The following DLG2 variants were observed in gnomAD, a reference collection of about 807,000 sequenced individuals.
DLG2 encodes disks large homolog 2.
In DLG2, 45 loss-of-function variants were observed where a neutral mutation model predicts 132.5. The observed-to-expected ratio is 0.34, with a 90% CI of 0.27 to 0.44. The LOEUF is 0.44. Ranked by LOEUF, DLG2 falls within the 20% of genes least tolerant of loss-of-function variation. The pLI is 1.00. For synonymous variants in DLG2, 424 were observed against 419.6 expected (o/e 1.01, Z -0.13); for missense variants, 1,045 against 1,196.9 (o/e 0.87, Z 1.87).
intron 20 of DLG2, among the ~76,000 whole-genome samples, chr11:83,538,896 T>C (rs1048169433): frequency 4.6e-5 from 7 of 152,226 alleles, no homozygotes; most frequent in Non-Finnish European, 7.3e-5. Flanking sequence ...GCTTGCTGAA[T>C]TGAATTTTGC....
intron 6 of DLG2, among the ~76,000 whole-genome samples, chr11:84,570,456 A>C (rs2099477559): frequency 6.6e-6 from 1 of 152,080 alleles, no homozygotes; most frequent in East Asian, 1.9e-4. Context: ...TCTCCTCTCT[A>C]AATTGTGAGC....
intron 3 of DLG2, among the ~76,000 whole-genome samples, chr11:85,486,567 C>A (rs2093434061): frequency 6.6e-6 from 1 of 152,108 alleles, no homozygotes; most frequent in Admixed American, 6.5e-5. Context: ...ATTAGTCCTG[C>A]CAAGATTTGA....
At chr11:85,282,299 T>G (rs559700085) in intron 4 of DLG2, among the ~76,000 whole-genome samples, 1 of 152,004 alleles carries the variant, frequency 6.6e-6, no homozygotes, top group East Asian at 1.9e-4. Flanking sequence ...AGTAGCACAA[T>G]AGGGCAGCTA....
At chr11:85,502,816 A>G (rs2093836180) in intron 3 of DLG2, among the ~76,000 whole-genome samples, 1 of 152,136 alleles carries the variant, frequency 6.6e-6, no homozygotes, top group South Asian at 2.1e-4. Flanking sequence ...TTAAAGTAAA[A>G]TTTTTAAAAA....
intron 11 of DLG2, among the ~76,000 whole-genome samples, chr11:84,001,806 T>C (rs545645454): frequency 1.3e-5 from 2 of 152,230 alleles, no homozygotes; most frequent in South Asian, 2.1e-4. Context: ...ACTATACAAG[T>C]ACATGGAAAT....
intron 6 of DLG2, among the ~76,000 whole-genome samples, chr11:84,585,475 A>C (rs1292781252): frequency 6.6e-6 from 1 of 152,118 alleles, no homozygotes; most frequent in Non-Finnish European, 1.5e-5. Flanking sequence ...TCTTGGGATT[A>C]TCATAGGTAT....
At chr11:85,006,178 A>T (rs1195377833) in intron 6 of DLG2, among the ~76,000 whole-genome samples, 1 of 152,096 alleles carries the variant, frequency 6.6e-6, no homozygotes, top group African/African-American at 2.4e-5. Flanking sequence ...TATTGGCCTG[A>T]AATTTTCGTT....
chr11:85,320,736 C>A (rs1409211518), intron 3 of DLG2, among the ~76,000 whole-genome samples: 1 of 151,644 alleles, frequency 6.6e-6, no homozygotes, highest in South Asian at 2.1e-4. Context: ...GGATAAAGTA[C>A]TGTAGGAAAA....
intron 6 of DLG2, among the ~76,000 whole-genome samples, chr11:84,705,572 T>C (rs1269204721): frequency 6.6e-6 from 1 of 151,768 alleles, no homozygotes; most frequent in African/African-American, 2.4e-5. Context: ...ACTCACAAAA[T>C]ATAGGTTACT....
intron 6 of DLG2, among the ~76,000 whole-genome samples, chr11:84,607,740 A>G (rs2099588331): frequency 6.6e-6 from 1 of 151,968 alleles, no homozygotes; most frequent in African/African-American, 2.4e-5. Context: ...TTTATCTAGT[A>G]AGTATTGATC....
At chr11:84,027,718 A>G (rs939514439) in intron 11 of DLG2, among the ~76,000 whole-genome samples, 2 of 152,038 alleles carry the variant, frequency 1.3e-5, no homozygotes, top group African/African-American at 4.8e-5. Context: ...GCCAATATTT[A>G]ACTTTGTATA....
rs1296676131 is a variant in DLG2, at chr11:83,523,370, C to G, written c.2193+9338G>C. Reference sequence around the variant, plus strand: ...TATTATACAACTCCTATTTATATTACTTTAGTCTTACCATCAGTACTTGAA... The same window carrying G: ...TATTATACAACTCCTATTTATATTAGTTTAGTCTTACCATCAGTACTTGAA... On this transcript the variant is annotated intron_variant, in intron 21 of 27. Transcript: ENST00000376104. 2.6e-5 allele frequency among the ~76,000 whole-genome samples: 4 copies of G among 152,092 alleles called. No individual in the cohort carries two copies. In the East Asian group the frequency reaches 5.8e-4, roughly 22 times the overall value.
chr11:85,524,220 A>G (rs893316875), intron 3 of DLG2, among the ~76,000 whole-genome samples: 1 of 152,156 alleles, frequency 6.6e-6, no homozygotes, highest in Non-Finnish European at 1.5e-5. Context: ...TTTATTGTAC[A>G]TTTAAAAATA....
At chr11:84,878,622 G>A (rs2086795224) in intron 6 of DLG2, among the ~76,000 whole-genome samples, 1 of 152,008 alleles carries the variant, frequency 6.6e-6, no homozygotes, top group African/African-American at 2.4e-5. Context: ...GGGTGGATGG[G>A]TGCAGCAAAC....
chr11:84,237,946 GCAAGAGAATCGCT>G (rs1159287214), intron 8 of DLG2, among the ~76,000 whole-genome samples: 1 of 150,910 alleles, frequency 6.6e-6, no homozygotes, highest in Non-Finnish European at 1.5e-5. Flanking sequence ...GGAGGCTGAG[GCAAGAGAATCGCT>G]TGAACCCGGG....
At chr11:83,924,639 T>C (rs2078614700) in intron 15 of DLG2, among the ~76,000 whole-genome samples, 1 of 152,116 alleles carries the variant, frequency 6.6e-6, no homozygotes, top group African/African-American at 2.4e-5. Flanking sequence ...ACGGAAACAG[T>C]CTTTTATAAC....
intron 7 of DLG2, among the ~76,000 whole-genome samples, chr11:84,519,662 A>G (rs2099288267): frequency 6.6e-6 from 1 of 152,102 alleles, no homozygotes; most frequent in African/African-American, 2.4e-5. Flanking sequence ...CACAGACACA[A>G]TAGATTGGGA....
intron 10 of DLG2, among the ~76,000 whole-genome samples, chr11:84,068,493 G>A (rs941537512): frequency 1.3e-5 from 2 of 152,078 alleles, no homozygotes; most frequent in Non-Finnish European, 2.9e-5. Flanking sequence ...ATTTGCTCCA[G>A]TGTTCCTCCA....
Position 83,671,924 on chromosome 11 carries a change from T to C in DLG2, c.1826-38599A>G, listed in dbSNP as rs188856825. 1.2e-3 allele frequency among the ~76,000 whole-genome samples: 180 copies of C among 152,340 alleles called. 2 individuals carry two copies. Among genetic ancestry groups the C allele is most frequent in the Non-Finnish European group, 5.7e-4 (39 of 68,022 alleles). The stretch of plus-strand genomic sequence containing the variant: ...TTTTGTTTGAATTGAAATACACAAA[T>C]GTTCATTGCTTACAATTTGTTACTT... On this transcript the variant is annotated intron_variant, in intron 18 of 27. Transcript: ENST00000376104.
Sources: gnomAD v4.1 joint callset for allele counts (sites outside exome capture counted in the v4.1 genomes callset) on GRCh38, gnomAD v4.1.1 for gene constraint, MANE v1.5 for transcripts, NCBI Gene and HGNC (gene_info 2026-07-23, HGNC 2026-07-21) for gene names.